Variants in SLC24A4 observed in about 807,000 individuals in gnomAD.
SLC24A4 encodes the protein sodium/potassium/calcium exchanger 4.
A neutral mutation model predicts 79.0 loss-of-function variants in SLC24A4; 53 were observed. The observed-to-expected ratio is 0.67, with a 90% CI of 0.54 to 0.84. The LOEUF (loss-of-function observed/expected upper bound fraction) is 0.84, where lower values mean the gene tolerates loss of function less well. Ranked by LOEUF, SLC24A4 falls within the 40% of genes least tolerant of loss-of-function variation. The pLI, the probability that SLC24A4 is intolerant of heterozygous loss-of-function variation, is 0.00. For missense variants in SLC24A4, 731 were observed against 822.0 expected (o/e 0.89, Z 1.35); for synonymous variants, 323 against 323.8 (o/e 1.00, Z 0.03).
chr14:92,388,734 G>A (rs1043531193), intron 2 of SLC24A4, among the ~76,000 whole-genome samples: 1 of 152,190 alleles, frequency 6.6e-6, no homozygotes, highest in Non-Finnish European at 1.5e-5. Flanking sequence ...ACCAGTTCTA[G>A]GTCATGACCG....
At chr14:92,391,511 C>T (rs75496018) in intron 2 of SLC24A4, among the ~76,000 whole-genome samples, 10,604 of 152,256 alleles carry the variant, frequency 0.07, 499 homozygotes, top group Non-Finnish European at 0.096. Flanking sequence ...CTCCCTTACC[C>T]CATGTGCCTA....
chr14:92,480,438 C>T lies in SLC24A4; in HGVS notation c.1256-2242C>T, dbSNP rs1166841648. Among the ~76,000 whole-genome samples the T allele has an allele frequency of 1.0e-4, 15 of 148,528 alleles. No individual in the cohort carries two copies. The East Asian group carries it at 1.4e-3, about 14-fold the overall frequency. On this transcript the variant is annotated intron_variant, in intron 12 of 16. Coordinates refer to ENST00000532405, the MANE Select transcript of SLC24A4 (RefSeq NM_153646.4). ...CCTCCCGAGTAGCTGGGACTACAGG[C>T]GCCCGCCACCACGCCCGGCTAATTT...
At chr14:92,480,315 CTT>C in intron 12 of SLC24A4, among the ~76,000 whole-genome samples, 1 of 31,308 alleles carries the variant, frequency 3.2e-5, no homozygotes, top group African/African-American at 9.5e-5. Context: ...GAGATGGAGT[CTT>C]GCTCTGTCGC....
chr14:92,426,297 G>A (rs1891563966), intron 2 of SLC24A4, among the ~76,000 whole-genome samples: 1 of 152,174 alleles, frequency 6.6e-6, no homozygotes, highest in Non-Finnish European at 1.5e-5. Flanking sequence ...CACGGTGGAA[G>A]GTGAAGAGCC....
chr14:92,459,742 C>T (rs1183103559), intron 12 of SLC24A4, among the ~76,000 whole-genome samples: 1 of 152,148 alleles, frequency 6.6e-6, no homozygotes, highest in Non-Finnish European at 1.5e-5. Context: ...TGTACAGCTG[C>T]TTCTCGTTTA....
Position 92,423,484 on chromosome 14 carries a change from A to G in SLC24A4, c.242-10428A>G, listed in dbSNP as rs60214827. Among the ~76,000 whole-genome samples, 55 of 152,322 alleles carry G rather than the reference A, an allele frequency of 3.6e-4. 1 individual carries two copies. The East Asian group carries it at 0.01, about 29-fold the overall frequency. On this transcript the variant is annotated intron_variant, in intron 2 of 16. Transcript: ENST00000532405. ...CTAATTTACTTTAGATATTAAGTAT[A>G]TGCCTTGTCTAGTAGAGGTAAAGAC...
rs900114363 is a variant in SLC24A4 at position 92,398,143 on chromosome 14, G to A, written c.242-35769G>A. Among the ~76,000 whole-genome samples the A allele has an allele frequency of 5.3e-5, 8 of 152,344 alleles. No individual in the cohort carries two copies. Among genetic ancestry groups the A allele is most frequent in the South Asian group, 2.1e-4 (1 of 4,834 alleles). ...AGGTCCACACACCAAAAGAGGCTTTGTTTTCATTTTTAAGATATGCCTGGT... is the reference window on the plus strand; with the variant it reads ...AGGTCCACACACCAAAAGAGGCTTTATTTTCATTTTTAAGATATGCCTGGT... On this transcript the variant is annotated intron_variant, in intron 2 of 16. Transcript: ENST00000532405. This position sits in a 1 kb window ranked among gnomAD's most constrained non-coding sequence, Gnocchi z 4.1.
chr14:92,484,928 C>A (rs760509802), intron 13 of SLC24A4: 4 of 969,570 alleles, frequency 4.1e-6, no homozygotes, highest in Non-Finnish European at 4.9e-6. Context: ...TTATAGTGCC[C>A]TTCTTGTGTC....
chr14:92,356,975 T>C (rs1887218743), intron 2 of SLC24A4, among the ~76,000 whole-genome samples: 1 of 152,212 alleles, frequency 6.6e-6, no homozygotes, highest in African/African-American at 2.4e-5. Context: ...TAGTTACAGG[T>C]GGGGCACTGG....
chr14:92,388,557 C>T (rs904829999), intron 2 of SLC24A4, among the ~76,000 whole-genome samples: 4 of 152,226 alleles, frequency 2.6e-5, no homozygotes, highest in Non-Finnish European at 5.9e-5. Flanking sequence ...GTTCGCCTCT[C>T]CCTCCTGGCT....
chr14:92,409,048 G>C (rs187073215), intron 2 of SLC24A4, among the ~76,000 whole-genome samples: 1 of 152,294 alleles, frequency 6.6e-6, no homozygotes. Context: ...GTTGAGCTGG[G>C]CTTTGGCTGG....
At chr14:92,365,082 T>A (rs1274860293) in intron 2 of SLC24A4, among the ~76,000 whole-genome samples, 1 of 152,200 alleles carries the variant, frequency 6.6e-6, no homozygotes, top group Non-Finnish European at 1.5e-5. Context: ...CGGGCTCTCC[T>A]CCCTTGGCAC....
intron 2 of SLC24A4, among the ~76,000 whole-genome samples, chr14:92,377,896 G>C (rs1487764394): frequency 6.6e-6 from 1 of 151,970 alleles, no homozygotes; most frequent in Admixed American, 6.6e-5. Context: ...GGCTGGGGCT[G>C]ACTCTGGCCA....
At chr14:92,333,328 C>T (rs1219228112) in intron 2 of SLC24A4, among the ~76,000 whole-genome samples, 1 of 152,210 alleles carries the variant, frequency 6.6e-6, no homozygotes, top group Non-Finnish European at 1.5e-5. Flanking sequence ...CTCCTGGCCT[C>T]AAGCGATCCA....
At chr14:92,415,865 C>T (rs1367410048) in intron 2 of SLC24A4, among the ~76,000 whole-genome samples, 3 of 152,018 alleles carry the variant, frequency 2.0e-5, no homozygotes, top group Non-Finnish European at 1.5e-5. Context: ...TGGGTGCACC[C>T]ATCACCCAAG....
chr14:92,401,259 G>C (rs1890097703), intron 2 of SLC24A4, among the ~76,000 whole-genome samples: 1 of 152,180 alleles, frequency 6.6e-6, no homozygotes, highest in African/African-American at 2.4e-5. Flanking sequence ...GGTAGATAGG[G>C]GAGGGCACCA....
intron 2 of SLC24A4, among the ~76,000 whole-genome samples, chr14:92,364,942 T>C (rs1048304343): frequency 1.3e-5 from 2 of 152,222 alleles, no homozygotes; most frequent in Non-Finnish European, 2.9e-5. Flanking sequence ...AAAGGTGCCG[T>C]GAGAGCCCCT....
chr14:92,418,214 AG>A (rs1331841176), intron 2 of SLC24A4, among the ~76,000 whole-genome samples: 1 of 152,218 alleles, frequency 6.6e-6, no homozygotes, highest in Non-Finnish European at 1.5e-5. Flanking sequence ...CTCAACAGAC[AG>A]GGAAGCCTGG....
At chr14:92,428,828 G>A (rs1269253031) in intron 2 of SLC24A4, among the ~76,000 whole-genome samples, 31 of 152,240 alleles carry the variant, frequency 2.0e-4, no homozygotes, top group Non-Finnish European at 2.2e-4. Context: ...GAGATGGGAG[G>A]CCAAAGAAGC....
Sources: gnomAD v4.1 joint callset for allele counts (sites outside exome capture counted in the v4.1 genomes callset) on GRCh38, gnomAD v4.1.1 for gene constraint, Gnocchi (gnomAD v3.1) non-coding constraint, MANE v1.5 for transcripts, NCBI Gene and HGNC (gene_info 2026-07-23, HGNC 2026-07-21) for gene names.